ANKS1B: variants seen among roughly 807,000 people sequenced by gnomAD.
The protein encoded by ANKS1B is ankyrin repeat and sterile alpha motif domain-containing protein 1B.
ANKS1B carries 36 observed loss-of-function variants against 148.3 expected under a neutral mutation model. The ratio of observed to expected loss-of-function variants is 0.24; its 90% CI spans 0.19 to 0.32. The LOEUF is 0.32. ANKS1B is among the 10% of genes least tolerant of loss of function. The pLI is 1.00. For missense variants in ANKS1B, 1,157 were observed against 1,542.6 expected (o/e 0.75, Z 4.19); for synonymous variants, 542 against 560.8 (o/e 0.97, Z 0.47).
intron 9 of ANKS1B, among the ~76,000 whole-genome samples, chr12:99,540,568 A>G (rs1275210147): frequency 2.0e-5 from 3 of 152,196 alleles, no homozygotes; most frequent in Non-Finnish European, 4.4e-5. Flanking sequence ...TTAATTAGCA[A>G]TGTGCCAAAG....
rs1429395766 is a variant in ANKS1B, at chr12:99,526,595, A to G, written c.1273-21954T>C. Among the ~76,000 whole-genome samples the G allele has an allele frequency of 2.6e-5, 4 of 152,310 alleles. No individual in the cohort carries two copies. The East Asian group carries it at 5.8e-4, about 22-fold the overall frequency. On this transcript the variant is annotated intron_variant, in intron 9 of 26. Coordinates refer to ENST00000683438, the MANE Select transcript of ANKS1B (RefSeq NM_001352186.2). ...AGCTGTGAATGGGTGTCGGGATAGC[A>G]TCCCTCTTTAGAAGTTACTGATGAA...
intron 26 of ANKS1B, among the ~76,000 whole-genome samples, chr12:98,749,552 G>A (rs1565995924): frequency 6.6e-6 from 1 of 152,180 alleles, no homozygotes; most frequent in African/African-American, 2.4e-5. Context: ...TAGGACATCC[G>A]CCTCTTCAAG....
At chr12:99,264,812 G>T (rs1416789064) in intron 12 of ANKS1B, among the ~76,000 whole-genome samples, 2 of 152,128 alleles carry the variant, frequency 1.3e-5, no homozygotes, top group East Asian at 3.8e-4. Context: ...AAAGAGAGAA[G>T]AAAGGAAAAG....
chr12:99,550,109 C>T (rs2097204767), intron 9 of ANKS1B, among the ~76,000 whole-genome samples: 1 of 152,162 alleles, frequency 6.6e-6, no homozygotes, highest in Admixed American at 6.5e-5. Context: ...CCCTTCAAAG[C>T]CTAACAGATC....
At chr12:99,080,150 C>G (rs1452594575) in intron 16 of ANKS1B, among the ~76,000 whole-genome samples, 3 of 152,194 alleles carry the variant, frequency 2.0e-5, no homozygotes, top group African/African-American at 7.2e-5. Context: ...GGCCGCCTTG[C>G]AATAAACCTT....
chr12:98,979,769 G>A (rs1467916276), intron 17 of ANKS1B, among the ~76,000 whole-genome samples: 1 of 151,942 alleles, frequency 6.6e-6, no homozygotes, highest in South Asian at 2.1e-4. Flanking sequence ...CTTGCTTGAG[G>A]TTTGTTGAAT....
intron 17 of ANKS1B, among the ~76,000 whole-genome samples, chr12:98,960,979 A>G (rs1257247193): frequency 6.6e-6 from 1 of 152,212 alleles, no homozygotes; most frequent in East Asian, 1.9e-4. Flanking sequence ...AAAGAAAAAA[A>G]GAATGAATAA....
chr12:99,041,142 G>A (rs772134009), intron 17 of ANKS1B, among the ~76,000 whole-genome samples: 2 of 152,142 alleles, frequency 1.3e-5, no homozygotes, highest in Non-Finnish European at 2.9e-5. Flanking sequence ...TCTTGAGCAA[G>A]ATTGACAATT....
At chr12:99,189,785 G>C (rs575845440) in intron 14 of ANKS1B, among the ~76,000 whole-genome samples, 29 of 152,228 alleles carry the variant, frequency 1.9e-4, no homozygotes, top group South Asian at 1.2e-3. Context: ...GGGCACAAGA[G>C]AAGGATGCCC....
intron 1 of ANKS1B, among the ~76,000 whole-genome samples, chr12:99,859,822 T>C (rs1314240122): frequency 6.6e-6 from 1 of 152,082 alleles, no homozygotes; most frequent in Non-Finnish European, 1.5e-5. Context: ...AATTTTTATA[T>C]GTTTTAGTAG....
rs146772132 is a variant in ANKS1B, at chr12:99,777,882, C to T, written c.847+1989G>A. Among the ~76,000 whole-genome samples, 777 of 151,960 alleles carry T rather than the reference C, an allele frequency of 5.1e-3. 7 individuals are homozygous for T. Among genetic ancestry groups the T allele is most frequent in the African/African-American group, 0.018 (733 of 41,526 alleles). ...TACAGGCATGAGCCATCGCGCCTGG[C>T]CCATGCTTCAGTTTTTAAAAGTTCA... On this transcript the variant is annotated intron_variant, in intron 6 of 26. Coordinates refer to ENST00000683438, the MANE Select transcript of ANKS1B (RefSeq NM_001352186.2).
chr12:99,046,443 T>TTGGAGG (rs2099962394), intron 17 of ANKS1B, among the ~76,000 whole-genome samples: 1 of 152,212 alleles, frequency 6.6e-6, no homozygotes, highest in Admixed American at 6.5e-5. Context: ...ACTGTAACTG[T>TTGGAGG]ATTCCATATG....
intron 17 of ANKS1B, among the ~76,000 whole-genome samples, chr12:98,929,665 A>G (rs1252306182): frequency 6.6e-6 from 1 of 152,114 alleles, no homozygotes; most frequent in South Asian, 2.1e-4. Context: ...ACTGATTTTC[A>G]GTAAGAGTGC....
At chr12:99,494,417 C>T (rs1324956387) in intron 10 of ANKS1B, among the ~76,000 whole-genome samples, 2 of 152,052 alleles carry the variant, frequency 1.3e-5, no homozygotes, top group South Asian at 4.1e-4. Flanking sequence ...TTTGCTACTG[C>T]TTTTCAAACG....
chr12:99,022,908 T>A (rs773743575), intron 17 of ANKS1B, among the ~76,000 whole-genome samples: 25 of 152,154 alleles, frequency 1.6e-4, no homozygotes, highest in Non-Finnish European at 2.6e-4. Flanking sequence ...AATTCCTAGT[T>A]TACTAAGAAA....
At chr12:99,546,896 C>A (rs1388679347) in intron 9 of ANKS1B, among the ~76,000 whole-genome samples, 1 of 152,026 alleles carries the variant, frequency 6.6e-6, no homozygotes, top group African/African-American at 2.4e-5. Flanking sequence ...GGGATAAACT[C>A]CAACAACAAG....
At chr12:99,265,076 AATTTAATTTTAAATTC>A (rs1236420180) in intron 12 of ANKS1B, among the ~76,000 whole-genome samples, 3 of 152,150 alleles carry the variant, frequency 2.0e-5, no homozygotes, top group African/African-American at 7.2e-5. Flanking sequence ...CCAAATCAAT[AATTTAATTTTAAATTC>A]ATTTAATTTT....
At chr12:99,225,643 C>T (rs1232081917) in intron 14 of ANKS1B, among the ~76,000 whole-genome samples, 4 of 152,168 alleles carry the variant, frequency 2.6e-5, no homozygotes, top group East Asian at 1.9e-4. Context: ...CTGAGTCTTC[C>T]GGCCTTCATC....
At chr12:99,963,855 G>C (rs1391642316) in intron 1 of ANKS1B, among the ~76,000 whole-genome samples, 3 of 152,092 alleles carry the variant, frequency 2.0e-5, no homozygotes, top group African/African-American at 7.2e-5. Flanking sequence ...AAATCATAGT[G>C]GGAATATCAT....
Sources: gnomAD v4.1 joint callset for allele counts (sites outside exome capture counted in the v4.1 genomes callset) on GRCh38, gnomAD v4.1.1 for gene constraint, MANE v1.5 for transcripts, NCBI Gene and HGNC (gene_info 2026-07-23, HGNC 2026-07-21) for gene names.